FDFT1: variants seen among roughly 807,000 people sequenced by gnomAD.
The protein encoded by FDFT1 is squalene synthase.
In FDFT1, 68 loss-of-function variants were observed where a neutral mutation model predicts 46.8. The observed-to-expected ratio is 1.45, with a 90% CI of 1.19 to 1.78. The LOEUF (loss-of-function observed/expected upper bound fraction) is 1.78, where lower values mean the gene tolerates loss of function less well. FDFT1 is among the 40% of genes most tolerant of loss of function. The pLI is 0.00. For missense variants in FDFT1, 928 were observed against 524.4 expected, an observed-to-expected ratio of 1.77 and a Z score of -7.52; for synonymous variants, 351 against 185.1, an observed-to-expected ratio of 1.90 and a Z score of -7.28.
At chr8:11,825,941 C>A (rs770531186) in intron 4 of FDFT1, 83 bp from the exon 5 acceptor site, 9 of 959,116 alleles carry the variant, frequency 9.4e-6, no homozygotes, top group African/African-American at 1.6e-5. Flanking sequence ...TTTGAACCTG[C>A]TTTTTTGTAG....
chr8:11,829,897 G>A (rs1810535894), intron 5 of FDFT1, among the ~76,000 whole-genome samples: 2 of 148,144 alleles, frequency 1.4e-5, no homozygotes, highest in South Asian at 4.2e-4. Context: ...ACCCAGGCTG[G>A]AGTGCAATGG....
At chr8:11,811,196 C>T (rs766891800) in intron 3 of FDFT1, among the ~76,000 whole-genome samples, 30 of 152,184 alleles carry the variant, frequency 2.0e-4, no homozygotes, top group African/African-American at 3.6e-4. Flanking sequence ...TCTCACAGGA[C>T]ACCTGATGAC....
upstream of FDFT1, among the ~76,000 whole-genome samples, chr8:11,800,458 G>A (rs987323381): frequency 2.6e-5 from 4 of 151,932 alleles, no homozygotes; most frequent in African/African-American, 7.3e-5. Flanking sequence ...TGGCTGGAAC[G>A]GTGCCTCACG....
At chr8:11,801,234 G>C (rs1442810458), upstream of FDFT1, among the ~76,000 whole-genome samples, 1 of 152,196 alleles carries the variant, frequency 6.6e-6, no homozygotes, top group African/African-American at 2.4e-5. Flanking sequence ...TGGGTGGAAG[G>C]CTGCAGCCTC....
At chr8:11,809,284 T>C (rs1807370091) in intron 2 of FDFT1, 1 of 1,096,630 alleles carries the variant, frequency 9.1e-7, no homozygotes. Context: ...CTTAGACCAG[T>C]TGCCTTTATG....
intron 3 of FDFT1, among the ~76,000 whole-genome samples, chr8:11,819,400 G>C (rs912620124): frequency 1.3e-5 from 2 of 152,148 alleles, no homozygotes; most frequent in African/African-American, 4.8e-5. Flanking sequence ...GACCTGCCTT[G>C]CTAGGTTGGG....
Position 11,838,376 on chromosome 8 carries a change from T to G in FDFT1, c.1033-12T>G. The G allele has an allele frequency of 6.2e-7, 1 of 1,605,502 alleles. No individual in the cohort carries two copies. The highest frequency in any genetic ancestry group is 8.5e-7 in the Non-Finnish European group (1 of 1,172,126). The stretch of plus-strand genomic sequence containing the variant: ...ACATAGCACTTATCATTTTTTCCTG[T>G]GTCTTTAACAGATTTATCATAGAAT... On this transcript the variant is annotated splice_polypyrimidine_tract_variant and intron_variant, in intron 7 of 7. Transcript: ENST00000220584.
intron 7 of FDFT1, among the ~76,000 whole-genome samples, chr8:11,835,768 T>G (rs1397231429): frequency 6.6e-6 from 1 of 152,146 alleles, no homozygotes; most frequent in Non-Finnish European, 1.5e-5. Context: ...TGTAGTTTGG[T>G]GCTGATGTTA....
In FDFT1 at chr8:11,826,238, G is replaced by A. The variant is rs745807159; in HGVS notation, c.702+23G>A. ...GAGGTAACAGATTCAGGGTATTTTG[G>A]GGGAAAATAACTTTAGACATTCTCT... On this transcript the variant is annotated intron_variant, in intron 5 of 7. Coordinates refer to ENST00000220584, the MANE Select transcript of FDFT1 (RefSeq NM_004462.5). 16 of 1,465,334 alleles carry A rather than the reference G, an allele frequency of 1.1e-5. No homozygotes were observed. In the South Asian group the frequency reaches 2.0e-4, roughly 18 times the overall value. 90.8% of individuals were successfully genotyped at this position (1,465,334 alleles called of 1,614,324 possible).
intron 2 of FDFT1, 196 bp from the exon 3 acceptor site, chr8:11,809,471 C>A: frequency 7.6e-7 from 1 of 1,312,632 alleles, no homozygotes; most frequent in Non-Finnish European, 9.7e-7. Flanking sequence ...TAATAAACTA[C>A]AGAAGTTCAT....
At chr8:11,822,326 C>CATACCTTTAACTGTGCTTAA (rs1563323742) in intron 4 of FDFT1, among the ~76,000 whole-genome samples, 3 of 147,240 alleles carry the variant, frequency 2.0e-5, no homozygotes, top group African/African-American at 7.7e-5. Context: ...TGATGTATTT[C>CATACCTTTAACTGTGCTTAA]ATACCTTTAA....
chr8:11,803,891 C>T (rs988379349), intron 1 of FDFT1: 5 of 152,890 alleles, frequency 3.3e-5, no homozygotes, highest in East Asian at 3.9e-4. Context: ...ACAGGTACAT[C>T]CTTCAGTCTA....
At chr8:11,836,105 A>G (rs865899008) in intron 7 of FDFT1, among the ~76,000 whole-genome samples, 3 of 150,972 alleles carry the variant, frequency 2.0e-5, no homozygotes, top group Admixed American at 6.6e-5. Context: ...GTGAGCCAAG[A>G]TTGCACCACT....
intron 3 of FDFT1, among the ~76,000 whole-genome samples, chr8:11,818,689 C>CA (rs1808803848): frequency 1.4e-5 from 2 of 147,396 alleles, no homozygotes. Context: ...GCATTCCCTG[C>CA]TTTTTTTTTT....
upstream of FDFT1, chr8:11,802,720 C>T (rs1326661090): frequency 4.9e-6 from 4 of 813,470 alleles, no homozygotes; most frequent in Non-Finnish European, 8.1e-6. Context: ...CTAGGCCTGC[C>T]CCCTGTCCGG....
rs948053321 is a variant in FDFT1, at chr8:11,804,869, A to G, written c.99+1938A>G. Among the ~76,000 whole-genome samples the G allele has an allele frequency of 1.1e-4, 16 of 150,780 alleles. 1 individual carries two copies. Among genetic ancestry groups the G allele is most frequent in the Non-Finnish European group, 2.1e-4 (14 of 67,854 alleles). On this transcript the variant is annotated intron_variant, in intron 1 of 7. Coordinates refer to ENST00000220584, the MANE Select transcript of FDFT1 (RefSeq NM_004462.5). ...AGTGATCTGCTCGCCTTGGTCTCCC[A>G]AAGTGCTAGGATTACAGGCGTGAGC... is the stretch of plus-strand genomic sequence containing the variant.
intron 7 of FDFT1, among the ~76,000 whole-genome samples, chr8:11,832,762 G>A (rs978340321): frequency 2.6e-5 from 4 of 151,976 alleles, no homozygotes; most frequent in Non-Finnish European, 5.9e-5. Context: ...GGCCCAGGAT[G>A]ATGCTGTGAT....
At position 11,802,897 on chromosome 8, in the gene FDFT1, G is replaced by A. The variant is rs1806311999; in HGVS notation, c.65G>A (p.Gly22Glu). 1.2e-6 allele frequency: 2 copies of A among 1,611,434 alleles called. No individual in the cohort carries two copies. The highest frequency in any genetic ancestry group is 1.3e-5 in the African/African-American group (1 of 74,824). ...EFYNLVRFRI[G>E]GKRKVMPKMD... ...TACAACCTGGTGCGCTTCCGGATCG[G>A]GGGCAAGCGGAAGGTGATGCCCAAG... Residue 22 changes from glycine (G) to glutamate (E), a missense_variant, in exon 1 of 8, where the codon GGG (glycine) becomes GAG (glutamate). Coordinates refer to ENST00000220584, the MANE Select transcript of FDFT1 (RefSeq NM_004462.5).
intron 1 of FDFT1, chr8:11,803,673 C>G (rs1806435715): frequency 2.8e-6 from 1 of 351,806 alleles, no homozygotes; most frequent in Non-Finnish European, 4.8e-6. Flanking sequence ...CTGGTCTGGA[C>G]CAGCCTGGCT....
Sources: gnomAD v4.1 joint callset for allele counts (sites outside exome capture counted in the v4.1 genomes callset) on GRCh38, gnomAD v4.1.1 for gene constraint, MANE v1.5 for transcripts, NCBI Gene and HGNC (gene_info 2026-07-23, HGNC 2026-07-21) for gene names.